Variants in MCM5 observed in about 807,000 individuals in gnomAD.
The protein encoded by MCM5 is DNA replication licensing factor MCM5.
Under a neutral mutation model 79.9 loss-of-function variants are expected in MCM5, and 46 were observed. The observed-to-expected ratio is 0.58, with a 90% CI of 0.45 to 0.74. The LOEUF is 0.74. MCM5 is among the 30% of genes least tolerant of loss of function. The pLI is 0.00. For synonymous variants in MCM5, 404 were observed against 390.5 expected (o/e 1.03, Z -0.41); for missense variants, 883 against 1,017.0 (o/e 0.87, Z 1.79).
intron 14 of MCM5, among the ~76,000 whole-genome samples, 190 bp from the exon 15 acceptor site, chr22:35,421,128 A>AG (rs35392630): frequency 4.5e-5 from 1 of 22,236 alleles, no homozygotes; most frequent in Non-Finnish European, 8.9e-5. Context: ...ACTTTGTCTC[A>AG]AAAAAAAAAA....
rs1036978765 is a variant in MCM5, at chr22:35,424,970, G to A, written c.*715G>A. On this transcript the variant is annotated 3_prime_UTR_variant, in exon 17 of 17. Transcript: ENST00000216122. ...GTAGTGGCCACCAGGCAGGAACTAG[G>A]ACTCCAGCCAGTTCTTTCCTGGTGG... The A allele has an allele frequency of 1.8e-4, 28 of 152,216 alleles. No homozygotes were observed. Among genetic ancestry groups the A allele is most frequent in the African/African-American group, 6.0e-4 (25 of 41,442 alleles). 9.4% of individuals were successfully genotyped at this position (152,216 alleles called of 1,614,324 possible). A position where few individuals can be genotyped will look rare whatever the true frequency, so the allele number is the denominator to read the frequency against.
chr22:35,415,939 T>A lies in MCM5; in HGVS notation c.1314T>A (p.Asp438Glu). Residue 438 changes from aspartate to glutamate, a missense_variant, in exon 10 of 17, where the codon GAT becomes GAA. Asp to Glu is a conservative substitution (Grantham distance 45). Around this residue, in one of 3 missense-constraint regions of MCM5, gnomAD observed 426 missense variants for 482.3 expected, o/e 0.88. Transcript: ENST00000216122. ...AGGGCGGAGCCATGGTCCTGGCCGA[T>A]GGTGGGGTCGTCTGTATTGACGAGT... ...IMEGGAMVLA[D>E]GGVVCIDEFD... is the part of the protein sequence containing the mutation. 2 of 1,614,100 alleles carry A rather than the reference T, an allele frequency of 1.2e-6. No individual in the cohort carries two copies. Among genetic ancestry groups the A allele is most frequent in the South Asian group, 2.2e-5 (2 of 91,076 alleles).
At chr22:35,409,193 G>C (rs1436308683) in intron 6 of MCM5, among the ~76,000 whole-genome samples, 1 of 152,194 alleles carries the variant, frequency 6.6e-6, no homozygotes, top group African/African-American at 2.4e-5. Flanking sequence ...TCGATCTCCT[G>C]ACCTCATGAT....
chr22:35,453,576 C>CAG, the MCM5 span, among the ~76,000 whole-genome samples: 3 of 149,374 alleles, frequency 2.0e-5, no homozygotes, highest in Non-Finnish European at 4.5e-5. Context: ...CAGAGTGAAT[C>CAG]AGAGAGACAG....
chr22:35,449,567 AGCTG>A, the MCM5 span, among the ~76,000 whole-genome samples: 366 of 150,994 alleles, frequency 2.4e-3, 3 homozygotes, highest in African/African-American at 7.3e-3. Flanking sequence ...TCTTTGTCCC[AGCTG>A]TGGCCTCTCT....
the MCM5 span, among the ~76,000 whole-genome samples, chr22:35,452,105 G>C: frequency 6.6e-6 from 1 of 152,154 alleles, no homozygotes; most frequent in African/African-American, 2.4e-5. Context: ...CCCAGAAAAC[G>C]AGTAGGGTGA....
At chr22:35,428,271 C>CT (rs1210432094), downstream of MCM5, among the ~76,000 whole-genome samples, 3 of 151,990 alleles carry the variant, frequency 2.0e-5, no homozygotes, top group African/African-American at 7.2e-5. Context: ...ATCTGCCCAC[C>CT]TTGGCCTCCC....
chr22:35,439,630 C>A, the MCM5 span, among the ~76,000 whole-genome samples: 4 of 152,208 alleles, frequency 2.6e-5, no homozygotes, highest in Non-Finnish European at 5.9e-5. Flanking sequence ...TTCCTCCCTC[C>A]CTGCCTTTTA....
the MCM5 span, among the ~76,000 whole-genome samples, chr22:35,443,492 A>G: frequency 6.6e-6 from 1 of 152,216 alleles, no homozygotes; most frequent in African/African-American, 2.4e-5. Flanking sequence ...TCTGGCGTCA[A>G]GGTGCAAAAT....
Position 35,410,737 on chromosome 22 carries a change from C to T in MCM5, c.753-7C>T. The T allele has an allele frequency of 1.2e-6, 2 of 1,613,590 alleles. No homozygotes were observed. The highest frequency in any genetic ancestry group is 1.7e-6 in the Non-Finnish European group (2 of 1,179,490). ...CTTTTCTCCTTTCTCCTCTACCCTC[C>T]TCTCAGGTACCTGTGTGACAAGGTC... On this transcript the variant is annotated splice_region_variant and splice_polypyrimidine_tract_variant and intron_variant, in intron 6 of 16. Coordinates refer to ENST00000216122, the MANE Select transcript of MCM5 (RefSeq NM_006739.4).
At chr22:35,410,957 C>CT in intron 7 of MCM5, 47 bp downstream of exon 7, 6 of 1,523,270 alleles carry the variant, frequency 3.9e-6, no homozygotes, top group Non-Finnish European at 5.3e-6. Flanking sequence ...AAAGGCTGTG[C>CT]TTGCATACTT....
intron 4 of MCM5, among the ~76,000 whole-genome samples, chr22:35,404,813 G>A (rs1932162613): frequency 1.3e-5 from 2 of 152,346 alleles, no homozygotes; most frequent in East Asian, 3.9e-4. Context: ...ACGGAGACAA[G>A]GTGGAGAGAG....
At chr22:35,450,760 A>G in the MCM5 span, among the ~76,000 whole-genome samples, 1 of 152,102 alleles carries the variant, frequency 6.6e-6, no homozygotes, top group Admixed American at 6.5e-5. Flanking sequence ...AAGTGGTTCT[A>G]CTTTTATGCC....
At chr22:35,444,714 C>A in the MCM5 span, among the ~76,000 whole-genome samples, 10 of 152,240 alleles carry the variant, frequency 6.6e-5, no homozygotes, top group African/African-American at 2.4e-4. Context: ...TAAGCATCAT[C>A]ATCCAAAATG....
chr22:35,413,268 T>C (rs1350230930), intron 8 of MCM5, among the ~76,000 whole-genome samples: 1 of 152,082 alleles, frequency 6.6e-6, no homozygotes, highest in East Asian at 1.9e-4. Flanking sequence ...ATGGTCTCGA[T>C]CTCCTGACCT....
chr22:35,438,355 C>G, the MCM5 span, among the ~76,000 whole-genome samples: 1 of 149,676 alleles, frequency 6.7e-6, no homozygotes, highest in Non-Finnish European at 1.5e-5. Context: ...ATCCACTCAC[C>G]CACCCACATA....
the MCM5 span, among the ~76,000 whole-genome samples, chr22:35,440,140 C>G: frequency 2.0e-5 from 3 of 152,182 alleles, no homozygotes; most frequent in African/African-American, 4.8e-5. Flanking sequence ...TAGCACTTCC[C>G]CTAACATCAT....
chr22:35,424,300 C>T lies in MCM5; in HGVS notation c.*45C>T, dbSNP rs547204925. On this transcript the variant is annotated 3_prime_UTR_variant, in exon 17 of 17. Coordinates refer to ENST00000216122, the MANE Select transcript of MCM5 (RefSeq NM_006739.4). ...CTCATGGACTCGCCCACGCCTCGCCCCTCCTGCCGCTGCCTGCCATTGACA... is the reference window on the plus strand; with the variant it reads ...CTCATGGACTCGCCCACGCCTCGCCTCTCCTGCCGCTGCCTGCCATTGACA... 2 of 1,356,744 alleles carry T rather than the reference C, an allele frequency of 1.5e-6. No individual in the cohort carries two copies. Among genetic ancestry groups the T allele is most frequent in the South Asian group, 1.3e-5 (1 of 74,730 alleles). 84.0% of individuals were successfully genotyped at this position (1,356,744 alleles called of 1,614,324 possible).
rs778070080 is a variant in MCM5 at position 35,408,441 on chromosome 22, C to T, written c.630C>T (p.Asp210=). 6.2e-7 allele frequency: 1 copy of T among 1,614,078 alleles called. No individual in the cohort carries two copies. The highest frequency in any genetic ancestry group is 8.5e-7 in the Non-Finnish European group (1 of 1,180,018). The change falls in exon 6 of 17, where the codon GAC becomes GAT. Residue 210 remains aspartate (D), a synonymous_variant. Coordinates refer to ENST00000216122, the MANE Select transcript of MCM5 (RefSeq NM_006739.4). Reference sequence around the variant, plus strand: ...CTGGGCGCCCCAAATGCCCATTGGACCCGTACTTCATCATGCCCGACAAAT... The same window carrying T: ...CTGGGCGCCCCAAATGCCCATTGGATCCGTACTTCATCATGCCCGACAAAT... The part of the protein sequence containing the change: ...DQAGRPKCPL[D]PYFIMPDKCK...
Sources: allele counts gnomAD v4.1 joint callset (sites outside exome capture counted in the v4.1 genomes callset), GRCh38; gene constraint gnomAD v4.1.1; regional missense constraint gnomAD v4.1.1; transcripts MANE v1.5; gene names NCBI Gene and HGNC (gene_info 2026-07-23, HGNC 2026-07-21).